Variants in SHMT1 observed in about 807,000 individuals in gnomAD.
SHMT1 encodes the protein serine hydroxymethyltransferase, cytosolic.
Under a neutral mutation model 49.0 loss-of-function variants are expected in SHMT1, and 45 were observed. The observed-to-expected ratio is 0.92, with a 90% CI of 0.72 to 1.18. The LOEUF (loss-of-function observed/expected upper bound fraction) is 1.18. Among genes scored for constraint, SHMT1 ranks in the 50% most tolerant of loss-of-function variants. The probability of loss-of-function intolerance (pLI) is 0.00; values close to 1 mark genes in which losing one functional copy is unlikely to be tolerated. For missense variants in SHMT1, 541 were observed against 612.4 expected, an observed-to-expected ratio of 0.88 and a Z score of 1.23; for synonymous variants, 232 against 246.6, an observed-to-expected ratio of 0.94 and a Z score of 0.55.
chr17:18,338,450 G>A (rs1328970523), intron 7 of SHMT1, among the ~76,000 whole-genome samples: 6 of 149,928 alleles, frequency 4.0e-5, no homozygotes, highest in African/African-American at 1.5e-4. Flanking sequence ...AGGTGGGGGG[G>A]CGCCTCTGCC....
intron 4 of SHMT1, 108 bp downstream of exon 4, chr17:18,348,217 G>T: frequency 1.2e-6 from 1 of 814,164 alleles, no homozygotes; most frequent in Non-Finnish European, 2.1e-6. Flanking sequence ...ACTGGGCCCG[G>T]CCTATGGCAG....
intron 3 of SHMT1, among the ~76,000 whole-genome samples, chr17:18,352,215 G>A (rs113219690): frequency 0.11 from 16,117 of 144,566 alleles, 970 homozygotes; most frequent in South Asian, 0.19. Flanking sequence ...GCGCGATCTC[G>A]GCTCACTGCA....
At chr17:18,337,895 G>A (rs1188778228) in intron 7 of SHMT1, among the ~76,000 whole-genome samples, 4 of 152,146 alleles carry the variant, frequency 2.6e-5, no homozygotes, top group African/African-American at 4.8e-5. Context: ...CCAGGCTGGA[G>A]TGCAGTGGTG....
rs749497189 is a variant in SHMT1 at position 18,355,921 on chromosome 17, T to C, written c.61A>G (p.Met21Val). 9.3e-6 allele frequency: 15 copies of C among 1,614,000 alleles called. No homozygotes were observed. The highest frequency in any genetic ancestry group is 1.3e-5 in the African/African-American group (1 of 74,934). Reference protein sequence around the residue: ...DADLWSSHDKMLAQPLKDSDV... With the variant: ...DADLWSSHDKVLAQPLKDSDV... ...CTGTCTTTGAGGGGTTGTGCCAGCA[T>C]CTTGTCATGTGAGGACCACAGGTCA... is the stretch of plus-strand genomic sequence containing the variant. The change falls in exon 2 of 12, where the codon ATG (methionine) becomes GTG (valine). Residue 21 changes from methionine (M) to valine (V), a missense_variant. By Grantham distance (21) the Met-to-Val change is conservative. Transcript: ENST00000316694.
chr17:18,358,871 C>T (rs777308201), intron 1 of SHMT1, among the ~76,000 whole-genome samples: 9 of 152,124 alleles, frequency 5.9e-5, no homozygotes, highest in Non-Finnish European at 1.2e-4. Context: ...GCAGTGCATT[C>T]CAGCCTGGGT....
At chr17:18,355,166 G>A (rs112499673) in intron 2 of SHMT1, among the ~76,000 whole-genome samples, 16,116 of 147,050 alleles carry the variant, frequency 0.11, 966 homozygotes, top group South Asian at 0.18. Context: ...TCAGGAGATC[G>A]AGACCATCCT....
At chr17:18,351,605 A>T (rs761402431) in intron 3 of SHMT1, among the ~76,000 whole-genome samples, 1 of 152,028 alleles carries the variant, frequency 6.6e-6, no homozygotes, top group Non-Finnish European at 1.5e-5. Context: ...AAAAATACAA[A>T]AAATAAATAA....
Position 18,329,143 on chromosome 17 carries a change from T to A in SHMT1, c.1282+135A>T, listed in dbSNP as rs1982892993. Reference sequence around the variant, plus strand: ...CTCAGACAAGGTGATTTACATGTGTTTTTTGCTGTCTCCCACCCCAACACT... The same window carrying A: ...CTCAGACAAGGTGATTTACATGTGTATTTTGCTGTCTCCCACCCCAACACT... On this transcript the variant is annotated intron_variant, in intron 11 of 11. Coordinates refer to ENST00000316694, the MANE Select transcript of SHMT1 (RefSeq NM_004169.5). 3 of 890,578 alleles carry A rather than the reference T, an allele frequency of 3.4e-6. No individual in the cohort carries two copies. The South Asian group carries it at 4.2e-5, about 13-fold the overall frequency. The allele number at this position is 890,578 out of a possible 1,614,324, so 55.2% of individuals were successfully genotyped here.
intron 1 of SHMT1, chr17:18,362,871 A>C (rs1419966235): frequency 6.6e-6 from 1 of 152,280 alleles, no homozygotes; most frequent in Non-Finnish European, 1.5e-5. Context: ...GCACGGGCCA[A>C]AAGTGGAGCG....
intron 1 of SHMT1, among the ~76,000 whole-genome samples, chr17:18,362,114 C>G (rs987918763): frequency 1.3e-4 from 20 of 152,164 alleles, no homozygotes; most frequent in Non-Finnish European, 1.3e-4. Flanking sequence ...TTTGTGTTCT[C>G]TTCTTTACAG....
In SHMT1 at chr17:18,355,895, ACT is replaced by A; in HGVS notation, c.85_86del (p.Ser29Ter). On this transcript the variant is annotated frameshift_variant, in exon 2 of 12. Transcript: ENST00000316694. LOFTEE classifies it high-confidence loss of function. ...DKMLAQPLKD[S>X]DVEVYNIIKK... ...ACCCCAAAAATCTCACCTCAACATC[ACT>A]GTCTTTGAGGGGTTGTGCCAGCATC... 5 of 1,612,460 alleles carry A rather than the reference ACT, an allele frequency of 3.1e-6. 1 individual carries two copies. The highest frequency in any genetic ancestry group is 4.2e-6 in the Non-Finnish European group (5 of 1,178,620).
chr17:18,348,680 AAG>A lies in SHMT1; in HGVS notation c.243-242_243-241del, dbSNP rs1360842891. The A allele has an allele frequency of 4.8e-6, 3 of 623,656 alleles. No individual in the cohort carries two copies. In the African/African-American group the frequency reaches 5.4e-5, roughly 11 times the overall value. 38.6% of individuals were successfully genotyped at this position (623,656 alleles called of 1,614,324 possible). ...TTGGAGCAAATATCTCATCTATAAAAAGAGGGGGTTTTGGCTGGGAGAGGTGG... is the reference window on the plus strand; with the variant it reads ...TTGGAGCAAATATCTCATCTATAAAAAGGGGGTTTTGGCTGGGAGAGGTGG... On this transcript the variant is annotated intron_variant, in intron 3 of 11. Coordinates refer to ENST00000316694, the MANE Select transcript of SHMT1 (RefSeq NM_004169.5).
Position 18,340,446 on chromosome 17 carries a change from C to T in SHMT1, c.602-191G>A. Reference sequence around the variant, plus strand: ...GGCAACCACTCTAACTCTTCAACGTCTTGGTGGTTGAGATGGCCCCAACTA... The same window carrying T: ...GGCAACCACTCTAACTCTTCAACGTTTTGGTGGTTGAGATGGCCCCAACTA... On this transcript the variant is annotated intron_variant, in intron 6 of 11. Transcript: ENST00000316694. The surrounding 1 kb of genome is among the most constrained non-coding windows in gnomAD (Gnocchi z 4.5). 1.4e-6 allele frequency: 1 copy of T among 703,600 alleles called. No individual in the cohort carries two copies. Among genetic ancestry groups the T allele is most frequent in the Non-Finnish European group, 2.5e-6 (1 of 404,014 alleles). 43.6% of individuals were successfully genotyped at this position (703,600 alleles called of 1,614,324 possible).
rs150949338 is a variant in SHMT1, at chr17:18,345,255, G to A, written c.519+2241C>T. The stretch of plus-strand genomic sequence containing the variant: ...TGGAGGGAACTGGGTGCGGGACGCA[G>A]ATTCTTTCTTTTTTTTTCTGGAGAT... On this transcript the variant is annotated intron_variant, in intron 5 of 11. Transcript: ENST00000316694. Among the ~76,000 whole-genome samples, 797 of 152,220 alleles carry A rather than the reference G, an allele frequency of 5.2e-3. 6 individuals carry two copies. Among genetic ancestry groups the A allele is most frequent in the African/African-American group, 0.019 (772 of 41,546 alleles).
chr17:18,350,603 C>T (rs1985581632), intron 3 of SHMT1, among the ~76,000 whole-genome samples: 1 of 151,982 alleles, frequency 6.6e-6, no homozygotes. Context: ...CACCACTGCA[C>T]TCCAGCCTGG....
In SHMT1 at chr17:18,335,651, G is replaced by T. The variant is rs1427418344; in HGVS notation, c.839C>A (p.Thr280Asn). 5 of 1,613,800 alleles carry T rather than the reference G, an allele frequency of 3.1e-6. No homozygotes were observed. Among genetic ancestry groups the T allele is most frequent in the Non-Finnish European group, 3.4e-6 (4 of 1,179,762 alleles). ...RKGVKSVDPK[T>N]GKEILYNLES... is the part of the protein sequence containing the mutation. ...CAGGTTGTACAGAATCTCTTTGCCAGTCTTGGGATCCACACTTTTCACTCC... is the reference window on the plus strand; with the variant it reads ...CAGGTTGTACAGAATCTCTTTGCCATTCTTGGGATCCACACTTTTCACTCC... Residue 280 changes from threonine (T) to asparagine (N), a missense_variant, in exon 8 of 12, where the codon ACT becomes AAT. Thr to Asn is a moderately conservative substitution (Grantham distance 65, BLOSUM62 0). Coordinates refer to ENST00000316694, the MANE Select transcript of SHMT1 (RefSeq NM_004169.5).
Position 18,329,372 on chromosome 17 carries a change from C to T in SHMT1, c.1188G>A (p.Leu396=). 2 of 1,612,640 alleles carry T rather than the reference C, an allele frequency of 1.2e-6. No individual in the cohort carries two copies. The highest frequency in any genetic ancestry group is 1.1e-5 in the South Asian group (1 of 91,004). Residue 396 remains leucine, a synonymous_variant, in exon 11 of 12, where the codon CTG becomes CTA. Transcript: ENST00000316694. The stretch of plus-strand genomic sequence containing the variant: ...TCCCCAGCCGCAGTCCACTGGGCCG[C>T]AGAGCGCTTCTGTCACCTACAAGAT... The part of the protein sequence containing the change: ...KNTCPGDRSA[L]RPSGLRLGTP...
At chr17:18,353,611 A>C (rs1985933783) in intron 3 of SHMT1, 61 bp downstream of exon 3, 1 of 1,563,864 alleles carries the variant, frequency 6.4e-7, no homozygotes, top group East Asian at 2.2e-5. Context: ...TTTAGGTCCT[A>C]GGCTGACTGA....
chr17:18,329,130 G>GATTTAC (rs1275393684), intron 11 of SHMT1, 148 bp downstream of exon 11: 1 of 864,218 alleles, frequency 1.2e-6, no homozygotes, highest in Non-Finnish European at 1.9e-6. Context: ...CAGACAAGGT[G>GATTTAC]ATTTACATGT....
Sources: allele counts gnomAD v4.1 joint callset (sites outside exome capture counted in the v4.1 genomes callset), GRCh38; gene constraint gnomAD v4.1.1; non-coding constraint Gnocchi (gnomAD v3.1); transcripts MANE v1.5; gene names NCBI Gene and HGNC (gene_info 2026-07-23, HGNC 2026-07-21).